Variants in AFF2 observed in about 807,000 individuals in gnomAD.
The protein encoded by AFF2 is ALF transcription elongation factor 2, also known as AF4/FMR2 family member 2.
A neutral mutation model predicts 76.9 loss-of-function variants in AFF2; 14 were observed. The observed-to-expected ratio is 0.18, with a 90% CI of 0.12 to 0.28. The LOEUF (loss-of-function observed/expected upper bound fraction) is 0.28. Ranked by LOEUF, AFF2 falls within the 10% of genes least tolerant of loss-of-function variation. The pLI, the probability that AFF2 is intolerant of heterozygous loss-of-function variation, is 1.00. For missense variants in AFF2, 868 were observed against 1,001.1 expected (o/e 0.87, Z 1.79); for synonymous variants, 398 against 366.7 (o/e 1.09, Z -0.98).
intron 1 of AFF2, among the ~76,000 whole-genome samples, chrX:148,554,866 TG>T (rs1270748953): frequency 1.8e-5 from 2 of 112,347 alleles, no homozygotes; most frequent in Non-Finnish European, 3.8e-5. Context: ...GGAGAATGGA[TG>T]GATGCCCAAG....
chrX:148,916,180 T>C (rs1191665803), intron 9 of AFF2, among the ~76,000 whole-genome samples: 1 of 103,848 alleles, frequency 9.6e-6, no homozygotes, highest in Non-Finnish European at 2.0e-5. Context: ...TAATAGACTT[T>C]TGAATGTGGT....
At chrX:148,851,538 C>T (rs781928454) in intron 7 of AFF2, among the ~76,000 whole-genome samples, 1 of 111,184 alleles carries the variant, frequency 9.0e-6, no homozygotes, top group African/African-American at 3.3e-5. Flanking sequence ...CTTGTCCTTG[C>T]CAAAGGTTCT....
intron 3 of AFF2, among the ~76,000 whole-genome samples, chrX:148,729,864 C>T (rs189040083): frequency 2.4e-4 from 27 of 111,624 alleles, no homozygotes; most frequent in Admixed American, 1.2e-3. Context: ...CCTATGTCAC[C>T]GCCACTGTAT....
intron 15 of AFF2, 74 bp from the exon 16 acceptor site, chrX:148,973,397 C>G: frequency 8.7e-7 from 1 of 1,153,762 alleles, no homozygotes; most frequent in Non-Finnish European, 1.2e-6. Context: ...AACTACCCCC[C>G]AGTTTCAAAC....
rs984684846 is a variant in AFF2 at position 148,995,592 on chromosome X, T to G, written c.*4260T>G. ...TAAAGAATTATTCATAGTGCTCACA[T>G]TGGGTTAGGGGACACTGAACTGCTT... On this transcript the variant is annotated 3_prime_UTR_variant, in exon 21 of 21. Coordinates refer to ENST00000370460, the MANE Select transcript of AFF2 (RefSeq NM_002025.4). The G allele has an allele frequency of 8.9e-6, 1 of 112,092 alleles. No homozygotes were observed. The highest frequency in any genetic ancestry group is 3.3e-5 in the African/African-American group (1 of 30,749). The allele number at this position is 112,092 out of a possible 1,213,427, so 9.2% of individuals were successfully genotyped here. A position where few individuals can be genotyped will look rare whatever the true frequency, so the allele number is the denominator to read the frequency against.
Position 148,719,011 on chromosome X carries a change from A to C in AFF2, c.1041+56243A>C, listed in dbSNP as rs145217067. On this transcript the variant is annotated intron_variant, in intron 3 of 20. Transcript: ENST00000370460. ...GAGTTTAAATTGAGATGATGTCATA[A>C]TTAGCTTATTTATTGTGACCTAGAA... is the stretch of plus-strand genomic sequence containing the variant. The C allele has an allele frequency of 4.6e-3, 4,369 of 944,589 alleles. 11 individuals carry two copies. The highest frequency in any genetic ancestry group is 0.01 in the Middle Eastern group (28 of 2,769). The allele number at this position is 944,589 out of a possible 1,213,427, so 77.8% of individuals were successfully genotyped here.
intron 1 of AFF2, among the ~76,000 whole-genome samples, chrX:148,535,130 A>C (rs1250087853): frequency 9.0e-6 from 1 of 111,515 alleles, no homozygotes; most frequent in Non-Finnish European, 1.9e-5. Context: ...CTTGACTGTG[A>C]GGTAATTTAC....
chrX:148,988,269 A>T (rs2072496652), intron 20 of AFF2, among the ~76,000 whole-genome samples: 2 of 112,085 alleles, frequency 1.8e-5, no homozygotes, highest in African/African-American at 6.5e-5. Context: ...CATTCATTTG[A>T]CTTGGCTGAT....
chrX:148,754,316 T>C (rs2055535551), intron 3 of AFF2, among the ~76,000 whole-genome samples: 1 of 111,543 alleles, frequency 9.0e-6, no homozygotes, highest in African/African-American at 3.3e-5. Flanking sequence ...GTACCAATAA[T>C]TGTGTTAGGC....
Position 148,989,799 on chromosome X carries a change from G to A in AFF2, c.3815-1412G>A, listed in dbSNP as rs2072514817. Among the ~76,000 whole-genome samples, 3 of 112,425 alleles carry A rather than the reference G, an allele frequency of 2.7e-5. No homozygotes were observed. In the Admixed American group the frequency reaches 2.8e-4, roughly 11 times the overall value. On this transcript the variant is annotated intron_variant, in intron 20 of 20. Coordinates refer to ENST00000370460, the MANE Select transcript of AFF2 (RefSeq NM_002025.4). ...TCATACTGCCCACAATGCAGCTGCA[G>A]ATGGCTTATTGTAGAAGGTTCTGGT...
At chrX:148,680,510 G>C (rs1472597617) in intron 3 of AFF2, among the ~76,000 whole-genome samples, 1 of 110,844 alleles carries the variant, frequency 9.0e-6, no homozygotes, top group African/African-American at 3.3e-5. Context: ...AGTAAGCGTG[G>C]TTTCGGTAGG....
At chrX:148,866,457 G>T (rs2070908370) in intron 7 of AFF2, among the ~76,000 whole-genome samples, 1 of 112,329 alleles carries the variant, frequency 8.9e-6, no homozygotes, top group Non-Finnish European at 1.9e-5. Flanking sequence ...TTTTATACTG[G>T]CACAAATTCC....
intron 1 of AFF2, among the ~76,000 whole-genome samples, chrX:148,632,548 A>T (rs1557253178): frequency 1.8e-5 from 2 of 111,186 alleles, no homozygotes; most frequent in South Asian, 7.6e-4. Flanking sequence ...TTTCATGACA[A>T]TGTGTGCTTT....
chrX:148,866,444 G>A (rs191694481), intron 7 of AFF2, among the ~76,000 whole-genome samples: 123 of 112,336 alleles, frequency 1.1e-3, no homozygotes, highest in African/African-American at 3.3e-3. Flanking sequence ...AACAAAGAAG[G>A]TGTTTTATAC....
intron 7 of AFF2, among the ~76,000 whole-genome samples, chrX:148,843,700 G>C (rs965588034): frequency 1.1e-4 from 12 of 111,473 alleles, no homozygotes; most frequent in Admixed American, 9.6e-5. Flanking sequence ...TGAGAAGTTT[G>C]AGATCAATGC....
intron 3 of AFF2, among the ~76,000 whole-genome samples, chrX:148,785,326 G>A (rs1003682473): frequency 9.8e-5 from 11 of 112,010 alleles, no homozygotes; most frequent in African/African-American, 2.3e-4. Context: ...CATTTTCAGG[G>A]TAAGAGATGC....
In AFF2 at chrX:148,620,999, G is replaced by T. The variant is rs189918829; in HGVS notation, c.48-31000G>T. On this transcript the variant is annotated intron_variant, in intron 1 of 20. Transcript: ENST00000370460. ...AATGATGATAGAAAGCACTCTCAAA[G>T]GAGAGCTGTGCAAGGCAGTGAATGC... Among the ~76,000 whole-genome samples the T allele has an allele frequency of 2.4e-4, 27 of 111,921 alleles. No homozygotes were observed. In the East Asian group the frequency reaches 7.1e-3, roughly 30 times the overall value.
rs1305518790 is a variant in AFF2, at chrX:148,991,630, C to T, written c.*298C>T. 5.7e-5 allele frequency: 9 copies of T among 159,283 alleles called. No homozygotes were observed. Among genetic ancestry groups the T allele is most frequent in the African/African-American group, 2.8e-4 (9 of 32,414 alleles). The allele number at this position is 159,283 out of a possible 1,213,427, so 13.1% of individuals were successfully genotyped here. On this transcript the variant is annotated 3_prime_UTR_variant, in exon 21 of 21. Transcript: ENST00000370460. ...CAGTCCCTACAATATTGTTTTAAGC[C>T]CACACTACCCAAAACAAAGAATGGG...
chrX:148,975,364 A>G (rs1557290099), intron 16 of AFF2, among the ~76,000 whole-genome samples: 2 of 112,503 alleles, frequency 1.8e-5, no homozygotes, highest in East Asian at 2.8e-4. Context: ...CAGTAATTAC[A>G]TAGTAGGACA....
Sources: gnomAD v4.1 joint callset for allele counts (sites outside exome capture counted in the v4.1 genomes callset) on GRCh38, gnomAD v4.1.1 for gene constraint, MANE v1.5 for transcripts, NCBI Gene and HGNC (gene_info 2026-07-23, HGNC 2026-07-21) for gene names.